LEP: variants seen among roughly 807,000 people sequenced by gnomAD.
The protein encoded by LEP is leptin.
In LEP, 6 loss-of-function variants were observed where a neutral mutation model predicts 9.8. The observed-to-expected ratio is 0.61, with a 90% CI of 0.34 to 1.21. The LOEUF is 1.21. LEP is among the 50% of genes most tolerant of loss of function. LEP has a pLI of 0.04. For synonymous variants in LEP, 112 were observed against 81.7 expected (o/e 1.37, Z -2.00); for missense variants, 134 against 198.1 (o/e 0.68, Z 1.94).
At chr7:128,253,275 C>T (rs1396601609) in intron 2 of LEP, among the ~76,000 whole-genome samples, 2 of 152,182 alleles carry the variant, frequency 1.3e-5, no homozygotes, top group Non-Finnish European at 2.9e-5. Context: ...AAGAGCGAGT[C>T]TACCCTTTTT....
rs1306316364 is a variant in LEP, at chr7:128,257,626, C to G, written c.*2863C>G. 6.6e-6 allele frequency: 1 copy of G among 152,074 alleles called. No individual in the cohort carries two copies. The highest frequency in any genetic ancestry group is 2.4e-5 in the African/African-American group (1 of 41,400). The allele number at this position is 152,074 out of a possible 1,614,324, so 9.4% of individuals were successfully genotyped here. ...AATCTAAATAAAATAACTTTGCCCC[C>G]TGCTCTTTGTTTCCTGTCGCCGTTC... On this transcript the variant is annotated 3_prime_UTR_variant, in exon 3 of 3. Transcript: ENST00000308868.
At chr7:128,250,018 G>C (rs1028419354) in intron 1 of LEP, among the ~76,000 whole-genome samples, 2 of 152,188 alleles carry the variant, frequency 1.3e-5, no homozygotes, top group Admixed American at 6.5e-5. Flanking sequence ...ATTTGAGAGT[G>C]ACTATGACCA....
Position 128,246,670 on chromosome 7 carries a change from C to T in LEP, c.-28-5321C>T, listed in dbSNP as rs568046253. The stretch of plus-strand genomic sequence containing the variant: ...TAGAGATGGGGTCTTGCTGTGTCGC[C>T]CAGGCTGGTCTTGAACTCCTGGGCT... On this transcript the variant is annotated intron_variant, in intron 1 of 2. Transcript: ENST00000308868. Among the ~76,000 whole-genome samples the T allele has an allele frequency of 7.3e-5, 11 of 151,702 alleles. No individual in the cohort carries two copies. The South Asian group carries it at 2.3e-3, about 32-fold the overall frequency.
chr7:128,254,218 G>T (rs1455725855), intron 2 of LEP, among the ~76,000 whole-genome samples, 186 bp from the exon 3 acceptor site: 1 of 152,178 alleles, frequency 6.6e-6, no homozygotes, highest in Non-Finnish European at 1.5e-5. Context: ...AGGAATCTCG[G>T]AGACCAGCTT....
intron 1 of LEP, among the ~76,000 whole-genome samples, chr7:128,244,402 C>T (rs1048381926): frequency 4.6e-5 from 7 of 152,184 alleles, no homozygotes; most frequent in Admixed American, 1.3e-4. Context: ...CATATGTTAA[C>T]ACGATTTCTC....
chr7:128,250,560 C>A (rs28954098), intron 1 of LEP, among the ~76,000 whole-genome samples: 2,741 of 152,166 alleles, frequency 0.018, 94 homozygotes, highest in African/African-American at 0.063. Context: ...GGCAAGTTGA[C>A]TCCTATTCCT....
intron 1 of LEP, among the ~76,000 whole-genome samples, chr7:128,250,009 T>C (rs11763517): frequency 0.39 from 59,160 of 152,050 alleles, 12,797 homozygotes; most frequent in Non-Finnish European, 0.49. Context: ...GTGGCCATTA[T>C]TTGAGAGTGA....
intron 2 of LEP, among the ~76,000 whole-genome samples, chr7:128,253,905 C>T (rs1296545420): frequency 6.6e-6 from 1 of 152,160 alleles, no homozygotes; most frequent in Non-Finnish European, 1.5e-5. Flanking sequence ...TGGGGAGAGC[C>T]TCCCGGAACT....
chr7:128,253,316 G>A (rs1211396006), intron 2 of LEP, among the ~76,000 whole-genome samples: 1 of 152,108 alleles, frequency 6.6e-6, no homozygotes, highest in African/African-American at 2.4e-5. Flanking sequence ...TTTGCAAATA[G>A]CAGTCAGTGC....
chr7:128,253,086 T>G (rs528263164), intron 2 of LEP, among the ~76,000 whole-genome samples: 2 of 152,202 alleles, frequency 1.3e-5, no homozygotes, highest in East Asian at 3.9e-4. Context: ...CTGACTTCAC[T>G]TCCTTGAATC....
intron 2 of LEP, among the ~76,000 whole-genome samples, chr7:128,252,710 GAC>G (rs1352245739): frequency 1.3e-5 from 2 of 151,484 alleles, no homozygotes; most frequent in Non-Finnish European, 2.9e-5. Context: ...CAGCCTGGGT[GAC>G]AGAGTGAGAC....
In LEP at chr7:128,241,322, G is replaced by C. The variant is rs1795148489; in HGVS notation, c.-29+16G>C. 1 of 154,004 alleles carries C rather than the reference G, an allele frequency of 6.5e-6. No individual in the cohort carries two copies. 9.5% of individuals were successfully genotyped at this position (154,004 alleles called of 1,614,324 possible). On this transcript the variant is annotated intron_variant, in intron 1 of 2. Coordinates refer to ENST00000308868, the MANE Select transcript of LEP (RefSeq NM_000230.3). ...CGGTTGCAAGGTAAGGCCCCGGCGCGCTCCTTCCTCCTTCTCTGCTGGTCT... is the reference window on the plus strand; with the variant it reads ...CGGTTGCAAGGTAAGGCCCCGGCGCCCTCCTTCCTCCTTCTCTGCTGGTCT...
Position 128,251,971 on chromosome 7 carries a change from G to T in LEP, c.-28-20G>T, listed in dbSNP as rs1237105066. ...CTGAGATACCGGCTCCTTGCAGTGTGTGGTTCCTTCTGTTTTCAGGCCCAA... is the reference window on the plus strand; with the variant it reads ...CTGAGATACCGGCTCCTTGCAGTGTTTGGTTCCTTCTGTTTTCAGGCCCAA... On this transcript the variant is annotated intron_variant, in intron 1 of 2. Transcript: ENST00000308868. The T allele has an allele frequency of 6.2e-7, 1 of 1,603,296 alleles. No individual in the cohort carries two copies. The highest frequency in any genetic ancestry group is 1.7e-5 in the Admixed American group (1 of 59,990).
intron 1 of LEP, among the ~76,000 whole-genome samples, chr7:128,241,605 A>T (rs1364060285): frequency 1.3e-5 from 2 of 152,196 alleles, no homozygotes; most frequent in Non-Finnish European, 2.9e-5. Flanking sequence ...CGCAGAGCTG[A>T]GATGCATTGG....
At chr7:128,245,267 TC>T (rs1485878614) in intron 1 of LEP, among the ~76,000 whole-genome samples, 3 of 152,168 alleles carry the variant, frequency 2.0e-5, no homozygotes, top group Admixed American at 6.5e-5. Context: ...GGAACGCCTG[TC>T]CTTCAGGCCT....
At chr7:128,246,299 T>C (rs1475414603) in intron 1 of LEP, among the ~76,000 whole-genome samples, 2 of 151,472 alleles carry the variant, frequency 1.3e-5, no homozygotes, top group East Asian at 1.9e-4. Context: ...AACTGCCAAG[T>C]GAGGATGGGG....
rs28954106 is a variant in LEP at position 128,251,865 on chromosome 7, G to C, written c.-28-126G>C. On this transcript the variant is annotated intron_variant, in intron 1 of 2. Coordinates refer to ENST00000308868, the MANE Select transcript of LEP (RefSeq NM_000230.3). ...TCATGAATTGTCTTTGACTTTGAGGGGATGGTAGCCAGAGCAGAAAGCAAA... is the reference window on the plus strand; with the variant it reads ...TCATGAATTGTCTTTGACTTTGAGGCGATGGTAGCCAGAGCAGAAAGCAAA... The C allele has an allele frequency of 6.9e-4, 524 of 760,092 alleles. No homozygotes were observed. The African/African-American group carries it at 7.8e-3, about 11-fold the overall frequency. The allele number at this position is 760,092 out of a possible 1,614,324, so 47.1% of individuals were successfully genotyped here.
rs1369849768 is a variant in LEP at position 128,254,647 on chromosome 7, A to G, written c.388A>G (p.Ser130Gly). ...PWASGLETLDSLGGVLEASGY... is the reference protein window; with the variant it reads ...PWASGLETLDGLGGVLEASGY... ...GGCCAGTGGCCTGGAGACCTTGGACAGCCTGGGGGGTGTCCTGGAAGCTTC... is the reference window on the plus strand; with the variant it reads ...GGCCAGTGGCCTGGAGACCTTGGACGGCCTGGGGGGTGTCCTGGAAGCTTC... Residue 130 changes from serine (S) to glycine (G), a missense_variant, in exon 3 of 3, where the codon AGC (serine) becomes GGC (glycine). Transcript: ENST00000308868. 2 of 1,614,154 alleles carry G rather than the reference A, an allele frequency of 1.2e-6. No homozygotes were observed. Among genetic ancestry groups the G allele is most frequent in the South Asian group, 1.1e-5 (1 of 91,084 alleles).
At chr7:128,252,927 T>C (rs2071045) in intron 2 of LEP, among the ~76,000 whole-genome samples, 28,739 of 151,984 alleles carry the variant, frequency 0.19, 3,764 homozygotes, top group East Asian at 0.57. Context: ...AAAAAAATCA[T>C]AGGATTCTCA....
Sources: gnomAD v4.1 joint callset for allele counts (sites outside exome capture counted in the v4.1 genomes callset) on GRCh38, gnomAD v4.1.1 for gene constraint, MANE v1.5 for transcripts, NCBI Gene and HGNC (gene_info 2026-07-23, HGNC 2026-07-21) for gene names.